Variants in CCDC191 observed in about 807,000 individuals in gnomAD.
CCDC191 encodes the protein coiled-coil domain containing 191, also known as coiled-coil domain-containing protein 191.
A neutral mutation model predicts 114.0 loss-of-function variants in CCDC191; 99 were observed. The observed-to-expected ratio is 0.87, with a 90% CI of 0.74 to 1.03. CCDC191 has a LOEUF of 1.03. Ranked by LOEUF, CCDC191 falls within the 50% of genes least tolerant of loss-of-function variation. The pLI is 0.00. For synonymous variants in CCDC191, 351 were observed against 376.0 expected, an observed-to-expected ratio of 0.93 and a Z score of 0.77; for missense variants, 973 against 1,087.0, an observed-to-expected ratio of 0.90 and a Z score of 1.47.
At chr3:114,034,833 A>G (rs1329642452) in intron 6 of CCDC191, 92 bp downstream of exon 6, 13 of 981,488 alleles carry the variant, frequency 1.3e-5, no homozygotes, top group Non-Finnish European at 1.9e-5. Flanking sequence ...ATGTTTTGTT[A>G]TTGAATGTTT....
intron 13 of CCDC191, among the ~76,000 whole-genome samples, chr3:113,990,090 A>C (rs1294773271): frequency 6.6e-6 from 1 of 152,216 alleles, no homozygotes; most frequent in African/African-American, 2.4e-5. Flanking sequence ...AGGAGGACAG[A>C]AATAAAAATT....
At chr3:113,977,524 CAT>C (rs1941457485) in intron 16 of CCDC191, among the ~76,000 whole-genome samples, 1 of 143,170 alleles carries the variant, frequency 7.0e-6, no homozygotes, top group African/African-American at 2.4e-5. Flanking sequence ...TTAAATAAAA[CAT>C]AACTGTATTT....
At chr3:114,046,366 C>G (rs1187509427) in intron 3 of CCDC191, among the ~76,000 whole-genome samples, 1 of 152,160 alleles carries the variant, frequency 6.6e-6, no homozygotes, top group Non-Finnish European at 1.5e-5. Flanking sequence ...GCTGTTGTAT[C>G]AAACTACCTC....
rs117333315 is a variant in CCDC191 at position 114,007,634 on chromosome 3, T to C, written c.1414-1672A>G. Among the ~76,000 whole-genome samples the C allele has an allele frequency of 9.9e-4, 150 of 152,196 alleles. 3 individuals carry two copies. The East Asian group carries it at 0.024, about 24-fold the overall frequency. On this transcript the variant is annotated intron_variant, in intron 9 of 16. Coordinates refer to ENST00000295878, the MANE Select transcript of CCDC191 (RefSeq NM_020817.2). ...GGGTTTCTTTTGGATCATGGTAACT[T>C]TTTAACATGAAAATAAAGAACATGA...
intron 13 of CCDC191, among the ~76,000 whole-genome samples, chr3:114,000,190 TAGTAA>T (rs1419362941): frequency 2.0e-5 from 3 of 152,244 alleles, no homozygotes; most frequent in South Asian, 4.1e-4. Context: ...TTGGTGGCCT[TAGTAA>T]AGTAGATTGC....
At position 114,003,040 on chromosome 3, in the gene CCDC191, A is replaced by C. The variant is rs576640302; in HGVS notation, c.1979-502T>G. 5 of 985,368 alleles carry C rather than the reference A, an allele frequency of 5.1e-6. No homozygotes were observed. The South Asian group carries it at 2.3e-4, about 46-fold the overall frequency. The allele number at this position is 985,368 out of a possible 1,614,324, so 61.0% of individuals were successfully genotyped here. On this transcript the variant is annotated intron_variant, in intron 11 of 16. Coordinates refer to ENST00000295878, the MANE Select transcript of CCDC191 (RefSeq NM_020817.2). ...CAAACTAAAGTTTGGGGTCACGATGAATATATTTGAATCTAGTTTTAAGGC... is the reference window on the plus strand; with the variant it reads ...CAAACTAAAGTTTGGGGTCACGATGCATATATTTGAATCTAGTTTTAAGGC...
chr3:114,004,728 A>T lies in CCDC191; in HGVS notation c.1887T>A (p.Pro629=). Residue 629 remains proline, a synonymous_variant, in exon 11 of 17, where the codon CCT becomes CCA. Transcript: ENST00000295878. ...QMLVNSPVAS[P]GTEGRSDSRN... ...GGGAGTCACTTCTGCCTTCAGTCCC[A>T]GGGGAAGCAACAGGTGAACTAGGGA... The T allele has an allele frequency of 3.1e-6, 5 of 1,611,018 alleles. No individual in the cohort carries two copies. Among genetic ancestry groups the T allele is most frequent in the Non-Finnish European group, 3.4e-6 (4 of 1,178,838 alleles).
chr3:114,029,741 A>G (rs2107722355), intron 7 of CCDC191, among the ~76,000 whole-genome samples: 1 of 152,316 alleles, frequency 6.6e-6, no homozygotes, highest in African/African-American at 2.4e-5. Flanking sequence ...AGGGCACAGT[A>G]TCACATCTTA....
At chr3:113,965,467 G>C in intron 16 of CCDC191, 108 bp from the exon 17 acceptor site, 1 of 570,348 alleles carries the variant, frequency 1.8e-6, no homozygotes, top group Non-Finnish European at 2.9e-6. Flanking sequence ...ATAAAATGCT[G>C]TATAAAAGGT....
intron 7 of CCDC191, among the ~76,000 whole-genome samples, chr3:114,019,297 G>T (rs569172244): frequency 6.6e-6 from 1 of 152,144 alleles, no homozygotes; most frequent in East Asian, 1.9e-4. Flanking sequence ...ACAAGTGAAC[G>T]GGGGAGATTC....
At position 114,018,709 on chromosome 3, in the gene CCDC191, C is replaced by T. The variant is rs138967102; in HGVS notation, c.1132G>A (p.Ala378Thr). ...RFQKLERETQ[A>T]LENDLREENR... ...TCTTCCCTAAGATCATTTTCCAAGG[C>T]TTGAGTCTCCCGCTCCAACTTCTGG... Residue 378 changes from alanine (A) to threonine (T), a missense_variant, in exon 8 of 17, where the codon GCC becomes ACC. Coordinates refer to ENST00000295878, the MANE Select transcript of CCDC191 (RefSeq NM_020817.2). The T allele has an allele frequency of 2.1e-5, 34 of 1,612,146 alleles. No homozygotes were observed. Among genetic ancestry groups the T allele is most frequent in the Non-Finnish European group, 2.5e-5 (30 of 1,179,264 alleles).
chr3:113,972,040 CTGATTT>C (rs1474847886), intron 16 of CCDC191, among the ~76,000 whole-genome samples: 7 of 151,832 alleles, frequency 4.6e-5, no homozygotes, highest in African/African-American at 1.7e-4. Flanking sequence ...TTTTTCATTT[CTGATTT>C]TGAGTCAGAA....
At position 114,053,622 on chromosome 3, in the gene CCDC191, G is replaced by C. The variant is rs774697189; in HGVS notation, c.104C>G (p.Pro35Arg). ...RKPSPKPTFG[P>R]DSVEHWIKRV... Reference sequence around the variant, plus strand: ...CTTTATCCAGTGTTCCACACTGTCAGGACCAAAAGTAGGCTGTAGATAACA... The same window carrying C: ...CTTTATCCAGTGTTCCACACTGTCACGACCAAAAGTAGGCTGTAGATAACA... The change falls in exon 2 of 17, where the codon CCT becomes CGT. Residue 35 changes from proline to arginine, a missense_variant. Coordinates refer to ENST00000295878, the MANE Select transcript of CCDC191 (RefSeq NM_020817.2). 6.3e-7 allele frequency: 1 copy of C among 1,587,476 alleles called. No homozygotes were observed.
intron 11 of CCDC191, chr3:114,002,879 GT>G: frequency 1.0e-6 from 1 of 979,972 alleles, no homozygotes; most frequent in Non-Finnish European, 1.2e-6. Flanking sequence ...TTGATTATAT[GT>G]TTGATGAATG....
rs184162254 is a variant in CCDC191, at chr3:114,042,233, C to T, written c.415+470G>A. Among the ~76,000 whole-genome samples, 1,109 of 152,146 alleles carry T rather than the reference C, an allele frequency of 7.3e-3. 8 individuals are homozygous for T. Among genetic ancestry groups the T allele is most frequent in the African/African-American group, 0.025 (1,024 of 41,528 alleles). Reference sequence around the variant, plus strand: ...TCTGCAGATGCCACATTCTTGGATTCAACCAACTGCAGTTCAAAAATATTT... The same window carrying T: ...TCTGCAGATGCCACATTCTTGGATTTAACCAACTGCAGTTCAAAAATATTT... On this transcript the variant is annotated intron_variant, in intron 4 of 16. Transcript: ENST00000295878.
rs573695070 is a variant in CCDC191, at chr3:114,053,445, C to A, written c.129+152G>T. ...GGCAACAGAATTATGAAAAAAAATACTAAAAAGTATAAAATTAAGGCAACT... is the reference window on the plus strand; with the variant it reads ...GGCAACAGAATTATGAAAAAAAATAATAAAAAGTATAAAATTAAGGCAACT... On this transcript the variant is annotated intron_variant, in intron 2 of 16. Transcript: ENST00000295878. 1.8e-4 allele frequency: 79 copies of A among 451,302 alleles called. No individual in the cohort carries two copies. The South Asian group carries it at 3.0e-3, about 17-fold the overall frequency. 28.0% of individuals were successfully genotyped at this position (451,302 alleles called of 1,614,324 possible).
chr3:113,987,347 A>G (rs1227956827), intron 13 of CCDC191, among the ~76,000 whole-genome samples: 2 of 152,236 alleles, frequency 1.3e-5, no homozygotes, highest in African/African-American at 4.8e-5. Flanking sequence ...GAAGAGCATC[A>G]GAAACAGAAG....
intron 7 of CCDC191, among the ~76,000 whole-genome samples, chr3:114,029,193 G>C (rs1361969529): frequency 6.6e-6 from 1 of 152,050 alleles, no homozygotes; most frequent in Admixed American, 6.6e-5. Flanking sequence ...CAACAAAAAA[G>C]AAAGTGTCCA....
intron 7 of CCDC191, among the ~76,000 whole-genome samples, chr3:114,024,957 A>G (rs951152620): frequency 1.3e-5 from 2 of 152,154 alleles, no homozygotes; most frequent in African/African-American, 4.8e-5. Context: ...CCTATTCCTG[A>G]TTTTCATAAT....
Sources: allele counts gnomAD v4.1 joint callset (sites outside exome capture counted in the v4.1 genomes callset), GRCh38; gene constraint gnomAD v4.1.1; transcripts MANE v1.5; gene names NCBI Gene and HGNC (gene_info 2026-07-23, HGNC 2026-07-21).